CNTN1: variants seen among roughly 807,000 people sequenced by gnomAD.
CNTN1 encodes the protein contactin 1.
Under a neutral mutation model 126.4 loss-of-function variants are expected in CNTN1, and 38 were observed. The ratio of observed to expected loss-of-function variants is 0.30; its 90% CI spans 0.23 to 0.39. CNTN1 has a LOEUF of 0.39. Among genes scored for constraint, CNTN1 ranks in the 10% least tolerant of loss-of-function variants. The pLI, the probability that CNTN1 is intolerant of heterozygous loss-of-function variation, is 1.00. For synonymous variants in CNTN1, 413 were observed against 422.6 expected, an observed-to-expected ratio of 0.98 and a Z score of 0.28; for missense variants, 1,009 against 1,248.4, an observed-to-expected ratio of 0.81 and a Z score of 2.89.
intron 1 of CNTN1, among the ~76,000 whole-genome samples, chr12:40,813,028 C>CTT (rs1555162790): frequency 8.9e-5 from 3 of 33,888 alleles, no homozygotes; most frequent in Middle Eastern, 0.015. Context: ...TTCTTTCTTT[C>CTT]TCTTTCTTTC....
At chr12:40,794,854 G>A (rs768173779) in intron 1 of CNTN1, among the ~76,000 whole-genome samples, 1 of 152,066 alleles carries the variant, frequency 6.6e-6, no homozygotes, top group Admixed American at 6.6e-5. Context: ...GTGGAATCAT[G>A]GAGGCCATTG....
At chr12:40,784,863 A>G (rs1184877208) in intron 1 of CNTN1, among the ~76,000 whole-genome samples, 1 of 152,162 alleles carries the variant, frequency 6.6e-6, no homozygotes, top group Non-Finnish European at 1.5e-5. Context: ...GCTTTCACTC[A>G]GGTTTGGGGG....
At chr12:41,060,519 A>G (rs1278570113) in intron 23 of CNTN1, among the ~76,000 whole-genome samples, 4 of 152,206 alleles carry the variant, frequency 2.6e-5, no homozygotes, top group African/African-American at 9.7e-5. Flanking sequence ...TGGAATGGGC[A>G]TTTGAAGTTG....
At chr12:40,908,944 C>A (rs1409632153) in intron 2 of CNTN1, among the ~76,000 whole-genome samples, 1 of 152,018 alleles carries the variant, frequency 6.6e-6, no homozygotes, top group Non-Finnish European at 1.5e-5. Flanking sequence ...GGGTTTTAAG[C>A]ATTTATTCCC....
rs138176926 is a variant in CNTN1 at position 41,036,668 on chromosome 12, G to C, written c.2980+7449G>C. 8.5e-3 allele frequency among the ~76,000 whole-genome samples: 1,295 copies of C among 152,176 alleles called. 18 individuals are homozygous for C. The highest frequency in any genetic ancestry group is 0.026 in the African/African-American group (1,080 of 41,536). Reference sequence around the variant, plus strand: ...TAATCACCAAGGCCCACAGATAATAGTGTAGCCATTATATTTAGTTACTTC... The same window carrying C: ...TAATCACCAAGGCCCACAGATAATACTGTAGCCATTATATTTAGTTACTTC... On this transcript the variant is annotated intron_variant, in intron 23 of 23. Transcript: ENST00000551295.
chr12:41,014,335 G>A (rs1017614597), intron 18 of CNTN1, 37 bp downstream of exon 18: 2 of 1,597,616 alleles, frequency 1.3e-6, no homozygotes, highest in African/African-American at 1.3e-5. Context: ...ATAGGTTGCT[G>A]TATCTATATT....
At chr12:40,998,067 G>A (rs1019860774) in intron 17 of CNTN1, among the ~76,000 whole-genome samples, 7 of 151,264 alleles carry the variant, frequency 4.6e-5, no homozygotes, top group African/African-American at 1.5e-4. Flanking sequence ...AATTGAGGAT[G>A]ATGAAAAAAA....
At chr12:41,012,145 C>T (rs1948674117) in intron 17 of CNTN1, among the ~76,000 whole-genome samples, 1 of 152,056 alleles carries the variant, frequency 6.6e-6, no homozygotes, top group Admixed American at 6.6e-5. Context: ...CATGTGCTCT[C>T]CAGACCAAGG....
chr12:40,953,917 A>G (rs1435991382), intron 14 of CNTN1, among the ~76,000 whole-genome samples: 1 of 152,068 alleles, frequency 6.6e-6, no homozygotes, highest in African/African-American at 2.4e-5. Flanking sequence ...CATCACATAA[A>G]TATTTTTAAA....
intron 1 of CNTN1, among the ~76,000 whole-genome samples, chr12:40,740,646 T>C (rs961192123): frequency 6.6e-6 from 1 of 152,110 alleles, no homozygotes; most frequent in Admixed American, 6.6e-5. Context: ...CCCCTCCTGA[T>C]ATGGTTTTAT....
At position 40,763,733 on chromosome 12, in the gene CNTN1, T is replaced by C. The variant is rs991856861; in HGVS notation, c.-77+71141T>C. On this transcript the variant is annotated intron_variant, in intron 1 of 23. Transcript: ENST00000551295. ...GGGCTTCAGAGCTATGTAATATCCA[T>C]GACTAATTTATTGAAAAGTGAATTT... Among the ~76,000 whole-genome samples the C allele has an allele frequency of 8.5e-5, 13 of 152,320 alleles. No homozygotes were observed. The East Asian group carries it at 2.5e-3, about 29-fold the overall frequency.
chr12:40,739,360 C>A (rs1393903868), intron 1 of CNTN1, among the ~76,000 whole-genome samples: 1 of 151,960 alleles, frequency 6.6e-6, no homozygotes, highest in Non-Finnish European at 1.5e-5. Flanking sequence ...TGAAGGCATG[C>A]AAAACAATCC....
rs185387630 is a variant in CNTN1, at chr12:40,961,108, A to T, written c.1804+1874A>T. ...TATGTATTTTTATAGAGAATCAATA[A>T]AAAGAAGCTATAGCCAATATTATGT... is the stretch of plus-strand genomic sequence containing the variant. On this transcript the variant is annotated intron_variant, in intron 15 of 23. Transcript: ENST00000551295. 1.0e-3 allele frequency among the ~76,000 whole-genome samples: 155 copies of T among 152,138 alleles called. 2 individuals are homozygous for T. Among genetic ancestry groups the T allele is most frequent in the African/African-American group, 3.1e-3 (129 of 41,560 alleles).
intron 16 of CNTN1, among the ~76,000 whole-genome samples, chr12:40,989,512 G>T (rs959334013): frequency 6.6e-6 from 1 of 152,054 alleles, no homozygotes; most frequent in Non-Finnish European, 1.5e-5. Context: ...TGGAGTGATG[G>T]ATATTATGTG....
chr12:40,801,010 G>GTT (rs35813803), intron 1 of CNTN1, among the ~76,000 whole-genome samples: 3,191 of 142,704 alleles, frequency 0.022, 81 homozygotes, highest in African/African-American at 0.045. Context: ...TCAAACTAGA[G>GTT]TTTTGTTTTT....
intron 6 of CNTN1, among the ~76,000 whole-genome samples, chr12:40,925,125 A>T (rs1377877733): frequency 6.6e-6 from 1 of 151,814 alleles, no homozygotes; most frequent in Non-Finnish European, 1.5e-5. Context: ...AAGAATAATC[A>T]TCTACTTTAT....
At chr12:40,845,462 G>A (rs1322761608) in intron 1 of CNTN1, among the ~76,000 whole-genome samples, 1 of 152,104 alleles carries the variant, frequency 6.6e-6, no homozygotes, top group African/African-American at 2.4e-5. Context: ...TATTTATTGT[G>A]TTTTATTGAC....
At chr12:41,037,333 C>T (rs1949288472) in intron 23 of CNTN1, among the ~76,000 whole-genome samples, 1 of 151,902 alleles carries the variant, frequency 6.6e-6, no homozygotes, top group Non-Finnish European at 1.5e-5. Context: ...GATGGTGGTC[C>T]CATAAGATTA....
intron 1 of CNTN1, among the ~76,000 whole-genome samples, chr12:40,867,880 T>TTTATTATTA (rs138493484): frequency 0.014 from 2,056 of 148,222 alleles, 37 homozygotes; most frequent in African/African-American, 0.044. Context: ...GCTTTCTGAG[T>TTTATTATTA]TTATTATTAT....
Sources: allele counts gnomAD v4.1 joint callset (sites outside exome capture counted in the v4.1 genomes callset), GRCh38; gene constraint gnomAD v4.1.1; transcripts MANE v1.5; gene names NCBI Gene and HGNC (gene_info 2026-07-23, HGNC 2026-07-21).